CCSER1: variants seen among roughly 807,000 people sequenced by gnomAD.
CCSER1 encodes serine-rich coiled-coil domain-containing protein 1.
Under a neutral mutation model 82.0 loss-of-function variants are expected in CCSER1, and 41 were observed. The observed-to-expected ratio is 0.50, with a 90% confidence interval of 0.39 to 0.65. The LOEUF is 0.65. CCSER1 is among the 30% of genes least tolerant of loss of function. The probability of loss-of-function intolerance (pLI) is 0.00; values close to 1 mark genes in which losing one functional copy is unlikely to be tolerated. For missense variants in CCSER1, 1,119 were observed against 1,064.2 expected (o/e 1.05, Z -0.72); for synonymous variants, 414 against 383.9 (o/e 1.08, Z -0.92).
At chr4:90,215,929 CAG>C (rs1194315298) in intron 1 of CCSER1, among the ~76,000 whole-genome samples, 1 of 152,070 alleles carries the variant, frequency 6.6e-6, no homozygotes, top group Non-Finnish European at 1.5e-5. Context: ...GTGCAGAAGA[CAG>C]AGTTTGTAGT....
chr4:91,421,809 A>T (rs1041533153), intron 10 of CCSER1, among the ~76,000 whole-genome samples: 1 of 137,088 alleles, frequency 7.3e-6, no homozygotes, highest in Admixed American at 7.1e-5. Context: ...AAAAAAAGTT[A>T]AAAAAAAAAA....
At chr4:90,882,883 G>A (rs1744555712) in intron 8 of CCSER1, among the ~76,000 whole-genome samples, 1 of 151,992 alleles carries the variant, frequency 6.6e-6, no homozygotes, top group African/African-American at 2.4e-5. Context: ...CACAGAAATA[G>A]TAGGCAGTAT....
At chr4:91,163,159 A>T (rs1236880444) in intron 10 of CCSER1, among the ~76,000 whole-genome samples, 1 of 152,236 alleles carries the variant, frequency 6.6e-6, no homozygotes, top group African/African-American at 2.4e-5. Flanking sequence ...TTCAAAGAAC[A>T]TCTTTATTTC....
At chr4:91,168,771 T>G (rs1466840322) in intron 10 of CCSER1, among the ~76,000 whole-genome samples, 1 of 151,228 alleles carries the variant, frequency 6.6e-6, no homozygotes, top group Non-Finnish European at 1.5e-5. Context: ...GGGGGAAATG[T>G]GGGGAAAAGA....
At chr4:90,386,419 A>G (rs958552598) in intron 3 of CCSER1, among the ~76,000 whole-genome samples, 2 of 151,676 alleles carry the variant, frequency 1.3e-5, no homozygotes, top group Admixed American at 1.3e-4. Context: ...TATTCAGTAA[A>G]TGGTGCTGGG....
At chr4:90,874,722 T>G (rs2150045701) in intron 8 of CCSER1, among the ~76,000 whole-genome samples, 1 of 152,272 alleles carries the variant, frequency 6.6e-6, no homozygotes, top group Middle Eastern at 3.4e-3. Flanking sequence ...CTCATCTTGT[T>G]TAGTAATTTA....
intron 10 of CCSER1, among the ~76,000 whole-genome samples, chr4:91,393,790 A>C (rs1751804091): frequency 6.6e-6 from 1 of 152,094 alleles, no homozygotes; most frequent in African/African-American, 2.4e-5. Context: ...AGAGCCCTAA[A>C]GGGAAGTATG....
At chr4:90,930,568 G>A (rs991378095) in intron 9 of CCSER1, among the ~76,000 whole-genome samples, 22 of 151,660 alleles carry the variant, frequency 1.5e-4, no homozygotes, top group African/African-American at 4.8e-4. Flanking sequence ...AGCCGAGATC[G>A]TGCCACTGCA....
At chr4:91,258,865 T>C (rs17269884) in intron 10 of CCSER1, among the ~76,000 whole-genome samples, 38,539 of 152,020 alleles carry the variant, frequency 0.25, 5,072 homozygotes, top group South Asian at 0.39. Context: ...AACTTGTCCA[T>C]GGTCATCAAT....
At chr4:90,773,726 A>T (rs769446780) in intron 7 of CCSER1, among the ~76,000 whole-genome samples, 1 of 152,366 alleles carries the variant, frequency 6.6e-6, no homozygotes, top group South Asian at 2.1e-4. Context: ...TAGTAAAAAC[A>T]AAATGGGAGA....
chr4:90,417,021 G>A (rs1268725265), intron 4 of CCSER1, among the ~76,000 whole-genome samples: 1 of 152,060 alleles, frequency 6.6e-6, no homozygotes, highest in Non-Finnish European at 1.5e-5. Flanking sequence ...ACACACGCAG[G>A]GGAACATCAC....
At chr4:91,556,125 T>A (rs1413284324) in intron 10 of CCSER1, among the ~76,000 whole-genome samples, 5 of 151,344 alleles carry the variant, frequency 3.3e-5, no homozygotes, top group Non-Finnish European at 5.9e-5. Context: ...TATTTGTAGT[T>A]ATTTTAACGT....
In CCSER1 at chr4:90,427,732, G is replaced by A. The variant is rs1398812363; in HGVS notation, c.1603+27603G>A. On this transcript the variant is annotated intron_variant, in intron 4 of 10. Coordinates refer to ENST00000509176, the MANE Select transcript of CCSER1 (RefSeq NM_001145065.2). Reference sequence around the variant, plus strand: ...CAAATGTAGATCTAAAATTCCACGTGTATTTTAAATTTTATTTTAATTATA... The same window carrying A: ...CAAATGTAGATCTAAAATTCCACGTATATTTTAAATTTTATTTTAATTATA... Among the ~76,000 whole-genome samples, 3 of 151,484 alleles carry A rather than the reference G, an allele frequency of 2.0e-5. No individual in the cohort carries two copies. In the East Asian group the frequency reaches 5.8e-4, roughly 29 times the overall value.
At chr4:90,473,340 T>C (rs1241275833) in intron 5 of CCSER1, among the ~76,000 whole-genome samples, 1 of 152,230 alleles carries the variant, frequency 6.6e-6, no homozygotes, top group Non-Finnish European at 1.5e-5. Context: ...AAAATTATTC[T>C]ATTACTTCTT....
chr4:91,515,412 T>C (rs1760052873), intron 10 of CCSER1, among the ~76,000 whole-genome samples: 1 of 152,096 alleles, frequency 6.6e-6, no homozygotes, highest in Non-Finnish European at 1.5e-5. Flanking sequence ...TAAGTGTCCA[T>C]GTGTTCTTGT....
rs151098732 is a variant in CCSER1, at chr4:91,297,337, G to A, written c.2217+211343G>A. On this transcript the variant is annotated intron_variant, in intron 10 of 10. Transcript: ENST00000509176. ...AAGAAAAAAGTAAAAAGCCAAGAATGTTCTGCTCACCTGAGGAGAATGGAT... is the reference window on the plus strand; with the variant it reads ...AAGAAAAAAGTAAAAAGCCAAGAATATTCTGCTCACCTGAGGAGAATGGAT... Among the ~76,000 whole-genome samples, 530 of 150,648 alleles carry A rather than the reference G, an allele frequency of 3.5e-3. 5 individuals are homozygous for A. The highest frequency in any genetic ancestry group is 0.013 in the African/African-American group (519 of 41,082).
chr4:90,282,632 C>T (rs1729083986), intron 1 of CCSER1, among the ~76,000 whole-genome samples: 1 of 151,856 alleles, frequency 6.6e-6, no homozygotes, highest in African/African-American at 2.4e-5. Flanking sequence ...TCAGATGCTG[C>T]TCATCTCATC....
intron 10 of CCSER1, among the ~76,000 whole-genome samples, chr4:91,569,290 G>A (rs1412492859): frequency 1.3e-5 from 2 of 152,198 alleles, no homozygotes; most frequent in East Asian, 3.9e-4. Flanking sequence ...AGTGCTGGCT[G>A]TAGATTGCAA....
chr4:90,173,973 C>T (rs1054430185), intron 1 of CCSER1, among the ~76,000 whole-genome samples: 2 of 151,932 alleles, frequency 1.3e-5, no homozygotes, highest in African/African-American at 4.8e-5. Context: ...GAATTCTCAG[C>T]CTATTTTGTA....
Sources: gnomAD v4.1 joint callset for allele counts (sites outside exome capture counted in the v4.1 genomes callset) on GRCh38, gnomAD v4.1.1 for gene constraint, MANE v1.5 for transcripts, NCBI Gene and HGNC (gene_info 2026-07-23, HGNC 2026-07-21) for gene names.